Variants in RBMS3 observed in about 807,000 individuals in gnomAD.
RBMS3 encodes RNA binding motif single stranded interacting protein 3.
RBMS3 carries 27 observed loss-of-function variants against 66.8 expected under a neutral mutation model. The observed-to-expected ratio is 0.40, with a 90% confidence interval of 0.30 to 0.56. The LOEUF (loss-of-function observed/expected upper bound fraction) is 0.56, where lower values mean the gene tolerates loss of function less well. Among genes scored for constraint, RBMS3 ranks in the 20% least tolerant of loss-of-function variants. RBMS3 has a pLI of 0.40. For missense variants in RBMS3, 513 were observed against 549.5 expected (o/e 0.93, Z 0.66); for synonymous variants, 188 against 183.0 (o/e 1.03, Z -0.22).
intron 4 of RBMS3, among the ~76,000 whole-genome samples, chr3:29,640,662 A>G (rs1210202579): frequency 2.0e-5 from 3 of 152,018 alleles, no homozygotes; most frequent in Admixed American, 6.6e-5. Flanking sequence ...ATGATTTTAC[A>G]TTCATCTGTA....
chr3:29,342,059 C>A (rs2036311274), intron 1 of RBMS3, among the ~76,000 whole-genome samples: 1 of 152,046 alleles, frequency 6.6e-6, no homozygotes, highest in South Asian at 2.1e-4. Context: ...GCTGGTGACT[C>A]TAGAGAAGTC....
chr3:29,421,973 A>G (rs2040757909), intron 1 of RBMS3, among the ~76,000 whole-genome samples: 1 of 152,242 alleles, frequency 6.6e-6, no homozygotes, highest in Non-Finnish European at 1.5e-5. Flanking sequence ...AAAATGCTTT[A>G]GGATTTATGT....
At chr3:29,470,093 TATA>T (rs1313435505) in intron 2 of RBMS3, among the ~76,000 whole-genome samples, 3 of 150,042 alleles carry the variant, frequency 2.0e-5, no homozygotes, top group Admixed American at 2.0e-4. Context: ...TATACTGAAA[TATA>T]ATAAATTATA....
intron 1 of RBMS3, among the ~76,000 whole-genome samples, chr3:29,298,369 A>C (rs2033433166): frequency 1.3e-5 from 2 of 151,940 alleles, no homozygotes; most frequent in African/African-American, 4.8e-5. Context: ...GCTAGTCAGT[A>C]TCTATTGAAT....
At chr3:29,343,234 G>A (rs11924820) in intron 1 of RBMS3, among the ~76,000 whole-genome samples, 49,954 of 151,890 alleles carry the variant, frequency 0.33, 8,336 homozygotes, top group Admixed American at 0.36. Flanking sequence ...TATAACAAGT[G>A]AGTATTTGCA....
At chr3:29,584,699 T>C (rs1191745922) in intron 3 of RBMS3, among the ~76,000 whole-genome samples, 1 of 152,156 alleles carries the variant, frequency 6.6e-6, no homozygotes, top group Non-Finnish European at 1.5e-5. Context: ...TCTATGTCTT[T>C]ATGTCTTCCT....
chr3:29,962,692 T>A (rs7612379), intron 12 of RBMS3, among the ~76,000 whole-genome samples: 1 of 151,490 alleles, frequency 6.6e-6, no homozygotes, highest in Non-Finnish European at 1.5e-5. Flanking sequence ...GGATTACATC[T>A]TGCTTGGATA....
At chr3:29,414,845 C>T (rs779519627) in intron 1 of RBMS3, among the ~76,000 whole-genome samples, 2 of 152,104 alleles carry the variant, frequency 1.3e-5, no homozygotes, top group African/African-American at 2.4e-5. Context: ...TTTAGGGCAC[C>T]GTGATGCTAC....
intron 2 of RBMS3, among the ~76,000 whole-genome samples, chr3:29,473,781 G>A (rs1035880664): frequency 1.1e-4 from 17 of 152,198 alleles, no homozygotes; most frequent in South Asian, 2.1e-4. Context: ...CGGCAGGGCC[G>A]GCCAGCCCCT....
In RBMS3 at chr3:30,009,509, AAAATC is replaced by A. The variant is rs1354584541; in HGVS notation, c.*5649_*5653del. 7.9e-5 allele frequency: 12 copies of A among 152,264 alleles called. No homozygotes were observed. The highest frequency in any genetic ancestry group is 2.9e-4 in the African/African-American group (12 of 41,568). 9.4% of individuals were successfully genotyped at this position (152,264 alleles called of 1,614,324 possible). ...AAATTCTTGCAGAATATATGGGAAAAAAATCATAGCAAAGAATTCAGCTTCCCTCA... is the reference window on the plus strand; with the variant it reads ...AAATTCTTGCAGAATATATGGGAAAAATAGCAAAGAATTCAGCTTCCCTCA... On this transcript the variant is annotated 3_prime_UTR_variant, in exon 15 of 15. Transcript: ENST00000383767.
intron 3 of RBMS3, among the ~76,000 whole-genome samples, chr3:29,586,900 C>G (rs1432355441): frequency 6.6e-6 from 1 of 152,056 alleles, no homozygotes; most frequent in African/African-American, 2.4e-5. Context: ...AAAACAATGG[C>G]TAGAAAATAA....
At position 29,476,438 on chromosome 3, in the gene RBMS3, A is replaced by G. The variant is rs79421758; in HGVS notation, c.249-12003A>G. ...GGATTATACAGAATCTATAAAGCCA[A>G]TAATTTTCACATAGGTAGTTGAACT... On this transcript the variant is annotated intron_variant, in intron 2 of 14. Coordinates refer to ENST00000383767, the MANE Select transcript of RBMS3 (RefSeq NM_001003793.3). Among the ~76,000 whole-genome samples the G allele has an allele frequency of 6.6e-3, 1,013 of 152,340 alleles. 23 individuals are homozygous for G. Among genetic ancestry groups the G allele is most frequent in the Admixed American group, 0.054 (828 of 15,292 alleles).
At chr3:29,450,866 C>T (rs576832976) in intron 2 of RBMS3, among the ~76,000 whole-genome samples, 1 of 151,494 alleles carries the variant, frequency 6.6e-6, no homozygotes, top group South Asian at 2.1e-4. Flanking sequence ...ATGCCCAGTA[C>T]CCACCAGCAC....
At chr3:29,803,100 T>C (rs76693770) in intron 6 of RBMS3, among the ~76,000 whole-genome samples, 114 of 152,236 alleles carry the variant, frequency 7.5e-4, no homozygotes, top group African/African-American at 2.6e-3. Flanking sequence ...GTAATGTCCT[T>C]CTTGGGCAAA....
At chr3:29,344,634 C>T (rs1020403845) in intron 1 of RBMS3, among the ~76,000 whole-genome samples, 6 of 151,936 alleles carry the variant, frequency 3.9e-5, no homozygotes, top group African/African-American at 1.2e-4. Context: ...ACCAGGCTAC[C>T]CTTAGAAAGG....
At chr3:29,809,495 T>C (rs1387597699) in intron 6 of RBMS3, among the ~76,000 whole-genome samples, 1 of 152,046 alleles carries the variant, frequency 6.6e-6, no homozygotes, top group Non-Finnish European at 1.5e-5. Flanking sequence ...AAATCACTGA[T>C]ATATTAGTAA....
intron 8 of RBMS3, among the ~76,000 whole-genome samples, chr3:29,895,726 T>A (rs1169860194): frequency 6.6e-6 from 1 of 151,442 alleles, no homozygotes; most frequent in Non-Finnish European, 1.5e-5. Context: ...TAAACAAAAG[T>A]TTTTATTTAA....
intron 1 of RBMS3, among the ~76,000 whole-genome samples, chr3:29,384,490 G>A (rs949596141): frequency 6.9e-6 from 1 of 145,946 alleles, no homozygotes; most frequent in African/African-American, 2.6e-5. Flanking sequence ...CCAGACATAG[G>A]AAATAACATC....
intron 4 of RBMS3, among the ~76,000 whole-genome samples, chr3:29,724,767 G>A (rs1457741367): frequency 6.6e-6 from 1 of 152,092 alleles, no homozygotes; most frequent in Non-Finnish European, 1.5e-5. Flanking sequence ...TAAGGAAAAT[G>A]GAATTTCAAG....
Sources: allele counts gnomAD v4.1 joint callset (sites outside exome capture counted in the v4.1 genomes callset), GRCh38; gene constraint gnomAD v4.1.1; transcripts MANE v1.5; gene names NCBI Gene and HGNC (gene_info 2026-07-23, HGNC 2026-07-21).